Variants in PKHD1 observed in about 807,000 individuals in gnomAD.
PKHD1 encodes fibrocystin.
A neutral mutation model predicts 412.0 loss-of-function variants in PKHD1; 291 were observed. The observed-to-expected ratio is 0.71, with a 90% CI of 0.64 to 0.78. PKHD1 has a LOEUF of 0.78. PKHD1 is among the 30% of genes least tolerant of loss of function. The pLI, the probability that PKHD1 is intolerant of heterozygous loss-of-function variation, is 0.00. For synonymous variants in PKHD1, 1,777 were observed against 1,821.5 expected (o/e 0.98, Z 0.62); for missense variants, 4,825 against 4,950.7 (o/e 0.97, Z 0.76).
intron 52 of PKHD1, among the ~76,000 whole-genome samples, chr6:51,803,338 C>T (rs753416405): frequency 8.6e-5 from 13 of 150,788 alleles, no homozygotes; most frequent in Non-Finnish European, 1.3e-4. Flanking sequence ...TGTTATTTTC[C>T]ACTTGAATTC....
rs754581415 is a variant in PKHD1 at position 52,048,527 on chromosome 6, T to C, written c.2372A>G (p.His791Arg). 18 of 1,613,980 alleles carry C rather than the reference T, an allele frequency of 1.1e-5. No individual in the cohort carries two copies. The Admixed American group carries it at 2.3e-4, about 21-fold the overall frequency. The change falls in exon 23 of 67, where the codon CAC (histidine) becomes CGC (arginine). Residue 791 changes from histidine to arginine, a missense_variant. Coordinates refer to ENST00000371117, the MANE Select transcript of PKHD1 (RefSeq NM_138694.4). ...RQRTSPPLGGHFRIQLPNTVI... is the reference protein window; with the variant it reads ...RQRTSPPLGGRFRIQLPNTVI... ...TGTATTAGGAAGCTGGATGCGAAAG[T>C]GTCCTCCTAGAGGTGGACTTGTCCG...
At chr6:51,840,756 G>T (rs1369347058) in intron 50 of PKHD1, among the ~76,000 whole-genome samples, 1 of 152,172 alleles carries the variant, frequency 6.6e-6, no homozygotes, top group African/African-American at 2.4e-5. Context: ...ACCAAGTAAA[G>T]AGCGAGACCC....
chr6:51,749,842 A>G (rs1785796581), intron 57 of PKHD1, among the ~76,000 whole-genome samples: 1 of 152,188 alleles, frequency 6.6e-6, no homozygotes, highest in African/African-American at 2.4e-5. Context: ...CCCTATAGCT[A>G]TGAGCCAATA....
In PKHD1 at chr6:51,744,510, A is replaced by C. The variant is rs398124475; in HGVS notation, c.10031T>G (p.Leu3344Ter). The change falls in exon 60 of 67, where the codon TTA becomes TGA. Residue 3344 changes from leucine to a stop codon, truncating the protein, a stop_gained. Transcript: ENST00000371117. LOFTEE classifies it high-confidence loss of function. ...ATATTTTCTTGGACTTGCACAGTCT[A>C]ATTCAGGACAGACTACTTTTCCTAA... ...KDLGKVVCPE[L>*]DCASPRKYLF... is the part of the protein sequence containing the mutation. The C allele has an allele frequency of 6.2e-7, 1 of 1,613,312 alleles. No homozygotes were observed. Among genetic ancestry groups the C allele is most frequent in the African/African-American group, 1.3e-5 (1 of 75,022 alleles).
At chr6:51,898,000 C>A (rs1299116291) in intron 43 of PKHD1, among the ~76,000 whole-genome samples, 1 of 150,734 alleles carries the variant, frequency 6.6e-6, no homozygotes, top group Non-Finnish European at 1.5e-5. Context: ...ACAGGAGCAC[C>A]CAGATTCATA....
rs372004627 is a variant in PKHD1, at chr6:51,791,213, G to A, written c.8440+23C>T. ...ACAGAATATAATTCTCAACATGCTCGCAATCCTTGTGCCTTTACTCACCAA... is the reference window on the plus strand; with the variant it reads ...ACAGAATATAATTCTCAACATGCTCACAATCCTTGTGCCTTTACTCACCAA... On this transcript the variant is annotated intron_variant, in intron 53 of 66. Coordinates refer to ENST00000371117, the MANE Select transcript of PKHD1 (RefSeq NM_138694.4). 9.1e-5 allele frequency: 147 copies of A among 1,609,942 alleles called. 4 individuals are homozygous for A. In the Middle Eastern group the frequency reaches 1.2e-3, roughly 13 times the overall value.
intron 60 of PKHD1, among the ~76,000 whole-genome samples, chr6:51,736,825 G>A (rs1187326936): frequency 6.6e-6 from 1 of 151,794 alleles, no homozygotes; most frequent in African/African-American, 2.4e-5. Context: ...AGGATAAATG[G>A]GAAAAAAGAG....
At chr6:51,909,164 C>T in intron 40 of PKHD1, 119 bp downstream of exon 40, 1 of 811,682 alleles carries the variant, frequency 1.2e-6, no homozygotes. Context: ...TAGAATATAA[C>T]AATTATCCAT....
At chr6:51,847,286 G>T (rs1771352455) in intron 50 of PKHD1, among the ~76,000 whole-genome samples, 1 of 135,292 alleles carries the variant, frequency 7.4e-6, no homozygotes, top group South Asian at 2.3e-4. Context: ...TTTTTTTGGA[G>T]AGATGGGGTC....
intron 66 of PKHD1, among the ~76,000 whole-genome samples, chr6:51,621,042 G>A (rs560450470): frequency 6.6e-6 from 1 of 152,164 alleles, no homozygotes; most frequent in African/African-American, 2.4e-5. Context: ...TAAGGAACCT[G>A]CAGCTCCTTC....
At chr6:52,069,668 C>G in intron 10 of PKHD1, 141 bp from the exon 11 acceptor site, 2 of 753,688 alleles carry the variant, frequency 2.7e-6, no homozygotes, top group Non-Finnish European at 4.9e-6. Flanking sequence ...CCTTGGATAA[C>G]TAAAGAACAA....
In PKHD1 at chr6:52,008,849, G is replaced by A. The variant is rs978430787; in HGVS notation, c.5751+1460C>T. 4.6e-5 allele frequency among the ~76,000 whole-genome samples: 7 copies of A among 152,044 alleles called. No homozygotes were observed. In the South Asian group the frequency reaches 6.3e-4, roughly 14 times the overall value. The stretch of plus-strand genomic sequence containing the variant: ...AGAAGCAAGTGATGTATTCAAACCC[G>A]GGCAGTCTAGCTCCAAAGTCCATGC... On this transcript the variant is annotated intron_variant, in intron 35 of 66. Coordinates refer to ENST00000371117, the MANE Select transcript of PKHD1 (RefSeq NM_138694.4).
At chr6:51,994,428 C>T (rs1462601670) in intron 35 of PKHD1, among the ~76,000 whole-genome samples, 1 of 152,244 alleles carries the variant, frequency 6.6e-6, no homozygotes, top group Non-Finnish European at 1.5e-5. Flanking sequence ...AGCCACCACG[C>T]CCAGCCCAGA....
intron 43 of PKHD1, among the ~76,000 whole-genome samples, chr6:51,901,530 G>A (rs568102700): frequency 3.2e-4 from 48 of 152,154 alleles, no homozygotes; most frequent in African/African-American, 9.4e-4. Flanking sequence ...TGGGGTGGGG[G>A]GAGTGGGGAG....
At chr6:51,711,853 T>G (rs902182221) in intron 60 of PKHD1, among the ~76,000 whole-genome samples, 3 of 152,242 alleles carry the variant, frequency 2.0e-5, no homozygotes, top group Non-Finnish European at 4.4e-5. Flanking sequence ...TTTCCAATCA[T>G]ATTTGCAAAT....
chr6:51,784,683 A>G (rs1360914055), intron 53 of PKHD1, among the ~76,000 whole-genome samples: 1 of 152,156 alleles, frequency 6.6e-6, no homozygotes, highest in Non-Finnish European at 1.5e-5. Context: ...CTAGCCCATG[A>G]AACTCATGAC....
chr6:51,748,507 G>A lies in PKHD1; in HGVS notation c.9109C>T (p.Leu3037Phe), dbSNP rs777289988. ...GIHAAASHGV[L>F]LNDNIVFGTA... ...CCAAACACAATATTGTCATTTAAAA[G>A]TACTCCATGACTGGCAGCTGCATGA... The change falls in exon 58 of 67, where the codon CTT becomes TTT. Residue 3037 changes from leucine to phenylalanine, a missense_variant. Coordinates refer to ENST00000371117, the MANE Select transcript of PKHD1 (RefSeq NM_138694.4). 4 of 1,613,772 alleles carry A rather than the reference G, an allele frequency of 2.5e-6. No homozygotes were observed. The Admixed American group carries it at 5.0e-5, about 20-fold the overall frequency.
intron 52 of PKHD1, among the ~76,000 whole-genome samples, chr6:51,812,589 G>A (rs1203230092): frequency 1.3e-5 from 2 of 152,152 alleles, no homozygotes; most frequent in African/African-American, 2.4e-5. Context: ...CTCTAGTAGA[G>A]CATCACATGA....
At chr6:51,902,385 T>G (rs949963647) in intron 43 of PKHD1, among the ~76,000 whole-genome samples, 6 of 152,158 alleles carry the variant, frequency 3.9e-5, no homozygotes, top group African/African-American at 1.4e-4. Flanking sequence ...CTGTCCTGGA[T>G]CTGGGATCTG....
Sources: gnomAD v4.1 joint callset for allele counts (sites outside exome capture counted in the v4.1 genomes callset) on GRCh38, gnomAD v4.1.1 for gene constraint, MANE v1.5 for transcripts, NCBI Gene and HGNC (gene_info 2026-07-23, HGNC 2026-07-21) for gene names.